Variants in IRS1 observed in about 807,000 individuals in gnomAD.
The protein encoded by IRS1 is insulin receptor substrate 1.
In IRS1, 34 loss-of-function variants were observed where a neutral mutation model predicts 65.6. That is an observed-to-expected ratio of 0.52 (90% CI 0.39 to 0.69). IRS1 has a LOEUF of 0.69. Among genes scored for constraint, IRS1 ranks in the 30% least tolerant of loss-of-function variants. The probability of loss-of-function intolerance (pLI) is 0.00; values close to 1 mark genes in which losing one functional copy is unlikely to be tolerated. For synonymous variants in IRS1, 699 were observed against 683.5 expected, an observed-to-expected ratio of 1.02 and a Z score of -0.35; for missense variants, 1,641 against 1,720.2, an observed-to-expected ratio of 0.95 and a Z score of 0.81.
intron 1 of IRS1, among the ~76,000 whole-genome samples, chr2:226,774,983 C>T (rs908830850): frequency 6.6e-6 from 1 of 151,996 alleles, no homozygotes; most frequent in Non-Finnish European, 1.5e-5. Context: ...TTTTTAGGGC[C>T]TTGATACTAT....
At chr2:226,763,242 A>G (rs568421580) in intron 1 of IRS1, among the ~76,000 whole-genome samples, 2 of 152,290 alleles carry the variant, frequency 1.3e-5, no homozygotes, top group South Asian at 4.1e-4. Flanking sequence ...AACACTTCCC[A>G]TACCATCCTA....
At chr2:226,774,980 G>T (rs1277497005) in intron 1 of IRS1, among the ~76,000 whole-genome samples, 1 of 152,040 alleles carries the variant, frequency 6.6e-6, no homozygotes, top group Non-Finnish European at 1.5e-5. Context: ...CATTTTTTAG[G>T]GCCTTGATAC....
At chr2:226,737,526 G>C (rs553115541) in intron 1 of IRS1, among the ~76,000 whole-genome samples, 1 of 152,322 alleles carries the variant, frequency 6.6e-6, no homozygotes, top group East Asian at 1.9e-4. Context: ...CTTGTTGAAT[G>C]AGTACGTGGT....
At position 226,795,146 on chromosome 2, in the gene IRS1, T is replaced by TC; in HGVS notation, c.3592dup (p.Glu1198GlyfsTer18). The TC allele has an allele frequency of 6.2e-7, 1 of 1,613,406 alleles. No individual in the cohort carries two copies. The highest frequency in any genetic ancestry group is 8.5e-7 in the Non-Finnish European group (1 of 1,179,906). ...GGGTGGGGGTGGGGGAGGCTGCGGT[T>TC]CAGGGGTGCACTCCTGAGGGCACTG... On this transcript the variant is annotated frameshift_variant, in exon 1 of 2. Transcript: ENST00000305123. LOFTEE classifies it high-confidence loss of function.
At chr2:226,756,778 A>G (rs1291652513) in intron 1 of IRS1, among the ~76,000 whole-genome samples, 3 of 152,034 alleles carry the variant, frequency 2.0e-5, no homozygotes, top group South Asian at 2.1e-4. Flanking sequence ...CCTGGCCAAC[A>G]TGATGAAACC....
intron 1 of IRS1, among the ~76,000 whole-genome samples, chr2:226,783,316 T>G (rs1939422514): frequency 6.6e-6 from 1 of 152,220 alleles, no homozygotes; most frequent in Admixed American, 6.5e-5. Flanking sequence ...TAGAAGTACA[T>G]TATGTATTTT....
rs768842504 is a variant in IRS1 at position 226,798,466 on chromosome 2, C to T, written c.273G>A (p.Glu91=). ...KHLVALYTRD[E]HFAIAADSEA... ...CGCTGTCCGCCGCGATGGCAAAGTG[C>T]TCGTCCCGGGTGTAGAGAGCCACCA... The change falls in exon 1 of 2, where the codon GAG becomes GAA. Residue 91 remains glutamate (E), a synonymous_variant. Transcript: ENST00000305123. The surrounding 1 kb of genome is among the most constrained non-coding windows in gnomAD (Gnocchi z 9.4). The T allele has an allele frequency of 1.2e-6, 2 of 1,614,166 alleles. No individual in the cohort carries two copies. The highest frequency in any genetic ancestry group is 8.5e-7 in the Non-Finnish European group (1 of 1,180,036).
In IRS1 at chr2:226,736,572, TTA is replaced by T. The variant is rs1402077038; in HGVS notation, c.*22-324_*22-323del. ...GTGATTGAAGCAAAAACATACATCA[TTA>T]GTTGCTATGTAAAATGACCATCCGA... is the stretch of plus-strand genomic sequence containing the variant. On this transcript the variant is annotated intron_variant, in intron 1 of 1. Coordinates refer to ENST00000305123, the MANE Select transcript of IRS1 (RefSeq NM_005544.3). Among the ~76,000 whole-genome samples the T allele has an allele frequency of 1.1e-3, 166 of 152,330 alleles. 1 individual carries two copies. Among genetic ancestry groups the T allele is most frequent in the African/African-American group, 3.7e-3 (155 of 41,584 alleles).
chr2:226,753,102 G>A (rs1938716564), intron 1 of IRS1, among the ~76,000 whole-genome samples: 1 of 152,170 alleles, frequency 6.6e-6, no homozygotes, highest in South Asian at 2.1e-4. Flanking sequence ...GGATGGAAGG[G>A]ACTTGACACT....
Position 226,797,600 on chromosome 2 carries a change from G to T in IRS1, c.1139C>A (p.Ser380Tyr). 1.3e-6 allele frequency: 2 copies of T among 1,588,922 alleles called. No homozygotes were observed. The highest frequency in any genetic ancestry group is 8.5e-7 in the Non-Finnish European group (1 of 1,171,150). The change falls in exon 1 of 2, where the codon TCC becomes TAC. Residue 380 changes from serine (S) to tyrosine (Y), a missense_variant. Coordinates refer to ENST00000305123, the MANE Select transcript of IRS1 (RefSeq NM_005544.3). This position sits in a 1 kb window ranked among gnomAD's most constrained non-coding sequence, Gnocchi z 8.1. ...NHSRSIPMPA[S>Y]RCSPSATSPV... ...GCTGGTGGCCGAAGGCGAGCAGCGG[G>T]AAGCCGGCATGGGGATGGAGCGGCT...
At chr2:226,736,446 T>A (rs1938326919) in intron 1 of IRS1, among the ~76,000 whole-genome samples, 196 bp from the exon 2 acceptor site, 1 of 152,132 alleles carries the variant, frequency 6.6e-6, no homozygotes, top group African/African-American at 2.4e-5. Flanking sequence ...TCTAAAGAAA[T>A]CACTAACCAA....
chr2:226,742,772 C>A (rs1261605425), intron 1 of IRS1, among the ~76,000 whole-genome samples: 1 of 151,270 alleles, frequency 6.6e-6, no homozygotes, highest in African/African-American at 2.4e-5. Flanking sequence ...CTGGCAGAGG[C>A]TACTGGGCTG....
At chr2:226,786,323 A>G (rs1939486455) in intron 1 of IRS1, among the ~76,000 whole-genome samples, 1 of 152,144 alleles carries the variant, frequency 6.6e-6, no homozygotes, top group South Asian at 2.1e-4. Flanking sequence ...TGAGGATTGA[A>G]AAGAGACGTG....
intron 1 of IRS1, among the ~76,000 whole-genome samples, chr2:226,771,035 A>G (rs1350312704): frequency 6.6e-6 from 1 of 152,100 alleles, no homozygotes; most frequent in Non-Finnish European, 1.5e-5. Flanking sequence ...GTTCATGTAT[A>G]TATATATAAC....
rs766239600 is a variant in IRS1, at chr2:226,733,012, A to C, written c.*3260T>G. ...GTCACCAGCAGTTGGAAGACTGCAC[A>C]TGGATACTATTTGTCATGGCTCTCG... On this transcript the variant is annotated 3_prime_UTR_variant, in exon 2 of 2. Coordinates refer to ENST00000305123, the MANE Select transcript of IRS1 (RefSeq NM_005544.3). 2 of 152,188 alleles carry C rather than the reference A, an allele frequency of 1.3e-5. No individual in the cohort carries two copies. Among genetic ancestry groups the C allele is most frequent in the Non-Finnish European group, 2.9e-5 (2 of 68,042 alleles). 9.4% of individuals were successfully genotyped at this position (152,188 alleles called of 1,614,324 possible).
chr2:226,742,705 C>T (rs560165990), intron 1 of IRS1, among the ~76,000 whole-genome samples: 38 of 133,064 alleles, frequency 2.9e-4, no homozygotes, highest in South Asian at 5.6e-4. Context: ...GAAAGGCACA[C>T]GCATTATGAA....
At chr2:226,788,966 T>C (rs1298181618) in intron 1 of IRS1, among the ~76,000 whole-genome samples, 1 of 152,162 alleles carries the variant, frequency 6.6e-6, no homozygotes, top group Non-Finnish European at 1.5e-5. Context: ...AAAAAAATAC[T>C]AGTATGAAAA....
rs531447654 is a variant in IRS1, at chr2:226,758,058, G to A, written c.*22-21808C>T. Among the ~76,000 whole-genome samples, 440 of 152,182 alleles carry A rather than the reference G, an allele frequency of 2.9e-3. 1 individual carries two copies. The highest frequency in any genetic ancestry group is 1.0e-2 in the African/African-American group (414 of 41,522). The stretch of plus-strand genomic sequence containing the variant: ...AATTCTTTGCTTCTCTGATTTTGAA[G>A]GAAAAGAAAATGAGAGAGGCAGAGA... On this transcript the variant is annotated intron_variant, in intron 1 of 1. Transcript: ENST00000305123.
intron 1 of IRS1, among the ~76,000 whole-genome samples, chr2:226,780,654 T>C (rs545301976): frequency 5.3e-5 from 8 of 152,250 alleles, no homozygotes; most frequent in African/African-American, 1.9e-4. Flanking sequence ...TTCAAAAGAA[T>C]GGTTTGGGGG....
Sources: allele counts gnomAD v4.1 joint callset (sites outside exome capture counted in the v4.1 genomes callset), GRCh38; gene constraint gnomAD v4.1.1; non-coding constraint Gnocchi (gnomAD v3.1); transcripts MANE v1.5; gene names NCBI Gene and HGNC (gene_info 2026-07-23, HGNC 2026-07-21).